IQSEC3: variants seen among roughly 807,000 people sequenced by gnomAD.
The protein encoded by IQSEC3 is IQ motif and SEC7 domain-containing protein 3.
Under a neutral mutation model 105.4 loss-of-function variants are expected in IQSEC3, and 50 were observed. The ratio of observed to expected loss-of-function variants is 0.47; its 90% CI spans 0.38 to 0.60. The LOEUF (loss-of-function observed/expected upper bound fraction) is 0.60. Among genes scored for constraint, IQSEC3 ranks in the 20% least tolerant of loss-of-function variants. The pLI is 0.00. For missense variants in IQSEC3, 1,415 were observed against 1,630.0 expected, an observed-to-expected ratio of 0.87 and a Z score of 2.27; for synonymous variants, 708 against 746.0, an observed-to-expected ratio of 0.95 and a Z score of 0.83.
chr12:156,902 C>T, intron 5 of IQSEC3, 123 bp from the exon 6 acceptor site: 16 of 1,250,594 alleles, frequency 1.3e-5, no homozygotes, highest in Non-Finnish European at 1.6e-5. Context: ...AGGGCGACCC[C>T]CGGGGGTGAG....
rs782156629 is a variant in IQSEC3, at chr12:125,687, G to A, written c.678G>A (p.Ala226=). Residue 226 remains alanine (A), a synonymous_variant, in exon 3 of 14, where the codon GCG becomes GCA. Transcript: ENST00000538872. ...GCATGGAGGACTCCGTGGTGGCAGC[G>A]GCGGCGGTGGCAGCCGGCAGACCCA... ...GGGMEDSVVA[A]AAVAAGRPSA... The A allele has an allele frequency of 2.8e-5, 43 of 1,534,330 alleles. No homozygotes were observed. The East Asian group carries it at 4.0e-4, about 14-fold the overall frequency.
chr12:103,851 ATGAGGGGAGGCGGCTCG>A (rs1565397763), intron 2 of IQSEC3, among the ~76,000 whole-genome samples: 3 of 1,892 alleles, frequency 1.6e-3, no homozygotes, highest in African/African-American at 4.6e-3. Flanking sequence ...GGTGGAGTTC[ATGAGGGGAGGCGGCTCG>A]GGAGGGGAGG....
intron 6 of IQSEC3, 22 bp downstream of exon 6, chr12:157,169 A>G (rs1815684860): frequency 6.6e-7 from 1 of 1,524,120 alleles, no homozygotes. Context: ...TCCCAGCTCC[A>G]CTCCCCAACA....
chr12:74,600 G>A (rs1164393477), intron 1 of IQSEC3, among the ~76,000 whole-genome samples: 2 of 152,258 alleles, frequency 1.3e-5, no homozygotes, highest in Non-Finnish European at 2.9e-5. Context: ...CAGGTGGGCT[G>A]CTATGGTCAT....
In IQSEC3 at chr12:177,598, G is replaced by C. The variant is rs950785445; in HGVS notation, c.*2565G>C. ...CCGGGGTCAGTATTCCGTGGAGCCA[G>C]TCCTGAGCTGGGAGGGGCATTTAAC... On this transcript the variant is annotated 3_prime_UTR_variant, in exon 14 of 14. Coordinates refer to ENST00000538872, the MANE Select transcript of IQSEC3 (RefSeq NM_001170738.2). The surrounding 1 kb of genome is among the most constrained non-coding windows in gnomAD (Gnocchi z 5.3). 9 of 152,342 alleles carry C rather than the reference G, an allele frequency of 5.9e-5. No individual in the cohort carries two copies. The highest frequency in any genetic ancestry group is 2.2e-4 in the African/African-American group (9 of 41,436). The allele number at this position is 152,342 out of a possible 1,614,324, so 9.4% of individuals were successfully genotyped here. A position where few individuals can be genotyped will look rare whatever the true frequency, so the allele number is the denominator to read the frequency against.
intron 9 of IQSEC3, 126 bp from the exon 10 acceptor site, chr12:165,308 G>A: frequency 1.4e-6 from 1 of 730,202 alleles, no homozygotes; most frequent in Non-Finnish European, 2.5e-6. Context: ...ATGTATATCT[G>A]TACCTGTATG....
chr12:119,486 G>T (rs1591676686), intron 2 of IQSEC3, among the ~76,000 whole-genome samples: 1 of 152,178 alleles, frequency 6.6e-6, no homozygotes, highest in Non-Finnish European at 1.5e-5. Flanking sequence ...CAGATCTGGG[G>T]GCAGAGAGAC....
At chr12:99,839 C>A (rs1236434751) in intron 2 of IQSEC3, among the ~76,000 whole-genome samples, 1 of 152,134 alleles carries the variant, frequency 6.6e-6, no homozygotes, top group Non-Finnish European at 1.5e-5. Context: ...GTTCCGTCTC[C>A]GTCCCGTGAT....
At chr12:121,066 G>T (rs528916552) in intron 2 of IQSEC3, among the ~76,000 whole-genome samples, 10 of 152,322 alleles carry the variant, frequency 6.6e-5, no homozygotes, top group African/African-American at 2.4e-4. Flanking sequence ...TCTGGGAAGG[G>T]CCTTTAAGAA....
intron 2 of IQSEC3, among the ~76,000 whole-genome samples, chr12:115,562 G>C (rs1425672281): frequency 6.6e-6 from 1 of 152,194 alleles, no homozygotes. Flanking sequence ...GATGCATAAA[G>C]GGCCCAGATT....
At chr12:92,830 C>G (rs1257387420) in intron 1 of IQSEC3, among the ~76,000 whole-genome samples, 1 of 152,212 alleles carries the variant, frequency 6.6e-6, no homozygotes, top group Non-Finnish European at 1.5e-5. Context: ...GAAGCAGGTT[C>G]TGAGAACAGC....
chr12:147,241 T>C (rs941031623), intron 5 of IQSEC3, among the ~76,000 whole-genome samples: 2 of 152,134 alleles, frequency 1.3e-5, no homozygotes, highest in East Asian at 3.9e-4. Context: ...GGCAGGGCTG[T>C]CATATCTCCA....
chr12:157,470 G>A (rs1167045604), intron 6 of IQSEC3, 58 bp from the exon 7 acceptor site: 7 of 1,536,194 alleles, frequency 4.6e-6, no homozygotes, highest in East Asian at 2.3e-5. Flanking sequence ...TCCTTTGTTG[G>A]GCCCGGGGGA....
intron 1 of IQSEC3, among the ~76,000 whole-genome samples, chr12:77,071 G>C (rs1193557860): frequency 6.6e-6 from 1 of 152,278 alleles, no homozygotes; most frequent in Non-Finnish European, 1.5e-5. Context: ...ACTCTGCAAA[G>C]CGGGTGGGAA....
chr12:82,140 G>A (rs551504291), intron 1 of IQSEC3, among the ~76,000 whole-genome samples: 5 of 152,236 alleles, frequency 3.3e-5, no homozygotes, highest in East Asian at 3.9e-4. Context: ...TAAGACAGTC[G>A]GGGAATTTGA....
chr12:142,813 T>C (rs900090362), intron 5 of IQSEC3, among the ~76,000 whole-genome samples: 1 of 152,180 alleles, frequency 6.6e-6, no homozygotes, highest in Non-Finnish European at 1.5e-5. Context: ...CGCCCTTCCT[T>C]TTCTGTGTCC....
intron 5 of IQSEC3, among the ~76,000 whole-genome samples, chr12:155,499 G>A (rs539652477): frequency 6.6e-5 from 10 of 152,304 alleles, no homozygotes; most frequent in African/African-American, 2.2e-4. Context: ...AAGAGTCTTC[G>A]GTGATGCACT....
At chr12:77,128 C>G (rs1863564315) in intron 1 of IQSEC3, among the ~76,000 whole-genome samples, 1 of 152,274 alleles carries the variant, frequency 6.6e-6, no homozygotes, top group Non-Finnish European at 1.5e-5. Context: ...ACAGCCCGGT[C>G]TTTACCCTGG....
At chr12:172,035 A>C in intron 13 of IQSEC3, among the ~76,000 whole-genome samples, 1 of 150,962 alleles carries the variant, frequency 6.6e-6, no homozygotes, top group Non-Finnish European at 1.5e-5. Context: ...TCCCAGCTCC[A>C]CTCCTTTTCT....
Sources: allele counts gnomAD v4.1 joint callset (sites outside exome capture counted in the v4.1 genomes callset), GRCh38; gene constraint gnomAD v4.1.1; non-coding constraint Gnocchi (gnomAD v3.1); transcripts MANE v1.5; gene names NCBI Gene and HGNC (gene_info 2026-07-23, HGNC 2026-07-21).